The following CNTNAP5 variants were observed in gnomAD, a reference collection of about 807,000 sequenced individuals.
The protein encoded by CNTNAP5 is contactin associated protein family member 5, also known as contactin-associated protein-like 5.
A neutral mutation model predicts 150.2 loss-of-function variants in CNTNAP5; 72 were observed. The observed-to-expected ratio is 0.48, with a 90% CI of 0.40 to 0.58. The LOEUF is 0.58. Ranked by LOEUF, CNTNAP5 falls within the 20% of genes least tolerant of loss-of-function variation. CNTNAP5 has a pLI of 0.00. For synonymous variants in CNTNAP5, 672 were observed against 619.8 expected (o/e 1.08, Z -1.25); for missense variants, 1,636 against 1,626.2 (o/e 1.01, Z -0.10).
intron 19 of CNTNAP5, among the ~76,000 whole-genome samples, chr2:124,860,177 C>CT (rs397780107): frequency 3.3e-5 from 5 of 150,672 alleles, no homozygotes; most frequent in Non-Finnish European, 5.9e-5. Flanking sequence ...TGGTGAAACC[C>CT]ATCTCTACTA....
At chr2:124,795,603 C>T (rs1314602638) in intron 18 of CNTNAP5, among the ~76,000 whole-genome samples, 2 of 152,134 alleles carry the variant, frequency 1.3e-5, no homozygotes, top group African/African-American at 2.4e-5. Context: ...CTGCAACTCA[C>T]GCCTCCTGGG....
chr2:124,713,318 CCTTTCTTTCTTTCTTTCTTTCTTT>C (rs200942591), intron 13 of CNTNAP5, among the ~76,000 whole-genome samples: 545 of 43,956 alleles, frequency 0.012, 20 homozygotes, highest in African/African-American at 0.04. Flanking sequence ...CTCTTTCTTT[CCTTTCTTTCTTTCTTTCTTTCTTT>C]CTTTCTTTCT....
At chr2:124,517,486 G>A (rs1273589807) in intron 8 of CNTNAP5, among the ~76,000 whole-genome samples, 1 of 150,816 alleles carries the variant, frequency 6.6e-6, no homozygotes, top group African/African-American at 2.4e-5. Flanking sequence ...AGGTTGTGGT[G>A]TTGGTAATGG....
chr2:124,527,506 C>A lies in CNTNAP5; in HGVS notation c.1649+50C>A, dbSNP rs774928403. 2.7e-6 allele frequency: 4 copies of A among 1,474,724 alleles called. No individual in the cohort carries two copies. The African/African-American group carries it at 4.2e-5, about 16-fold the overall frequency. 91.4% of individuals were successfully genotyped at this position (1,474,724 alleles called of 1,614,324 possible). ...TTCTGCCACCCCCTTCCCATTCTTA[C>A]TGTTCTAAATATGAGTTTCTTTAAG... On this transcript the variant is annotated intron_variant, in intron 10 of 23. Coordinates refer to ENST00000682447, the MANE Select transcript of CNTNAP5 (RefSeq NM_001367498.1).
rs371885703 is a variant in CNTNAP5 at position 124,266,777 on chromosome 2, A to T, written c.381+24384A>T. Reference sequence around the variant, plus strand: ...AGTGCAGATGGAGTGAAGCCCTAAAACTCAGCCCCGTCAGCCAATTAGGAT... The same window carrying T: ...AGTGCAGATGGAGTGAAGCCCTAAATCTCAGCCCCGTCAGCCAATTAGGAT... On this transcript the variant is annotated intron_variant, in intron 3 of 23. Transcript: ENST00000682447. Among the ~76,000 whole-genome samples the T allele has an allele frequency of 6.6e-5, 10 of 152,096 alleles. No homozygotes were observed. In the East Asian group the frequency reaches 1.7e-3, roughly 27 times the overall value.
intron 10 of CNTNAP5, among the ~76,000 whole-genome samples, chr2:124,559,058 AAC>A (rs1043049914): frequency 2.6e-5 from 4 of 152,188 alleles, no homozygotes; most frequent in East Asian, 1.9e-4. Context: ...TGAACAGCAA[AAC>A]ACAGTACAAA....
chr2:124,261,665 G>T (rs1687459617), intron 3 of CNTNAP5, among the ~76,000 whole-genome samples: 2 of 152,112 alleles, frequency 1.3e-5, no homozygotes, highest in Non-Finnish European at 2.9e-5. Flanking sequence ...CGCAGTGTTT[G>T]CCTTGTAACC....
chr2:124,313,232 A>G (rs575099923), intron 3 of CNTNAP5, among the ~76,000 whole-genome samples: 1 of 152,334 alleles, frequency 6.6e-6, no homozygotes, highest in African/African-American at 2.4e-5. Flanking sequence ...TTATACGATT[A>G]ATCACCAGTC....
chr2:124,507,553 C>CTGTTTA (rs2104866896), intron 8 of CNTNAP5, among the ~76,000 whole-genome samples: 1 of 152,264 alleles, frequency 6.6e-6, no homozygotes, highest in Admixed American at 6.5e-5. Flanking sequence ...AAAGGAGGTT[C>CTGTTTA]TGTTTACCAA....
intron 23 of CNTNAP5, 108 bp downstream of exon 23, chr2:124,911,646 C>T: frequency 2.5e-6 from 2 of 815,492 alleles, no homozygotes; most frequent in South Asian, 1.5e-5. Context: ...CTCAGAGCCC[C>T]CTACATTACC....
intron 13 of CNTNAP5, among the ~76,000 whole-genome samples, chr2:124,744,476 G>A (rs1321468498): frequency 1.3e-5 from 2 of 152,016 alleles, no homozygotes; most frequent in Non-Finnish European, 2.9e-5. Flanking sequence ...AATTATATAA[G>A]CATTTTTATT....
chr2:124,346,899 C>T (rs374093514), intron 3 of CNTNAP5, among the ~76,000 whole-genome samples: 5 of 128,892 alleles, frequency 3.9e-5, no homozygotes, highest in African/African-American at 1.6e-4. Flanking sequence ...GGTGAAACCT[C>T]GTCTCTATTA....
chr2:124,055,579 T>C (rs1002359673), intron 1 of CNTNAP5, among the ~76,000 whole-genome samples: 2 of 152,148 alleles, frequency 1.3e-5, no homozygotes, highest in Admixed American at 1.3e-4. Context: ...ACAGGGGCTG[T>C]CAACAGTGGC....
intron 13 of CNTNAP5, among the ~76,000 whole-genome samples, chr2:124,724,923 CTTTTT>C (rs71387242): frequency 1.8e-5 from 2 of 111,550 alleles, no homozygotes; most frequent in African/African-American, 6.7e-5. Context: ...ATTCCCTTAG[CTTTTT>C]TTTTTTTTTT....
chr2:124,449,303 C>T (rs1019168306), intron 6 of CNTNAP5, among the ~76,000 whole-genome samples: 3 of 151,966 alleles, frequency 2.0e-5, no homozygotes, highest in Admixed American at 6.6e-5. Context: ...AGAACACACT[C>T]AATATTGGAA....
At chr2:124,232,051 C>T (rs138526922) in intron 2 of CNTNAP5, among the ~76,000 whole-genome samples, 3 of 151,984 alleles carry the variant, frequency 2.0e-5, no homozygotes, top group Admixed American at 6.6e-5. Context: ...GGCCAGGTTG[C>T]GATGACTTCT....
chr2:124,651,099 C>G (rs998834583), intron 13 of CNTNAP5, among the ~76,000 whole-genome samples: 1 of 152,138 alleles, frequency 6.6e-6, no homozygotes, highest in Non-Finnish European at 1.5e-5. Context: ...TATCTTCCTT[C>G]AACTTTGGTA....
At chr2:124,060,778 G>A (rs555066566) in intron 1 of CNTNAP5, among the ~76,000 whole-genome samples, 1 of 152,196 alleles carries the variant, frequency 6.6e-6, no homozygotes, top group African/African-American at 2.4e-5. Flanking sequence ...GCTCTCTTAA[G>A]TCTCCCAGGA....
In CNTNAP5 at chr2:124,056,624, T is replaced by G. The variant is rs575203086; in HGVS notation, c.82+30892T>G. Among the ~76,000 whole-genome samples the G allele has an allele frequency of 3.9e-4, 59 of 152,188 alleles. 1 individual carries two copies. Among genetic ancestry groups the G allele is most frequent in the Non-Finnish European group, 6.6e-4 (45 of 68,010 alleles). On this transcript the variant is annotated intron_variant, in intron 1 of 23. Coordinates refer to ENST00000682447, the MANE Select transcript of CNTNAP5 (RefSeq NM_001367498.1). ...TCATGCCACTGCACTCCAGCCTGGG[T>G]GACAGAGCGAGACTCCATCTCAAAA... is the stretch of plus-strand genomic sequence containing the variant.
Sources: gnomAD v4.1 joint callset for allele counts (sites outside exome capture counted in the v4.1 genomes callset) on GRCh38, gnomAD v4.1.1 for gene constraint, MANE v1.5 for transcripts, NCBI Gene and HGNC (gene_info 2026-07-23, HGNC 2026-07-21) for gene names.